NRP1: variants seen among roughly 807,000 people sequenced by gnomAD.
NRP1 encodes neuropilin 1.
In NRP1, 35 loss-of-function variants were observed where a neutral mutation model predicts 106.7. The observed-to-expected ratio is 0.33, with a 90% CI of 0.25 to 0.43. The LOEUF (loss-of-function observed/expected upper bound fraction) is 0.43. NRP1 is among the 20% of genes least tolerant of loss of function. The pLI is 1.00. For missense variants in NRP1, 1,024 were observed against 1,170.4 expected, an observed-to-expected ratio of 0.87 and a Z score of 1.83; for synonymous variants, 437 against 417.9, an observed-to-expected ratio of 1.05 and a Z score of -0.56.
chr10:33,284,106 T>TC (rs35898152), intron 2 of NRP1, among the ~76,000 whole-genome samples: 5,682 of 152,082 alleles, frequency 0.037, 165 homozygotes, highest in Non-Finnish European at 0.061. Flanking sequence ...TATAAAAAAT[T>TC]CCCCCTGATA....
intron 2 of NRP1, among the ~76,000 whole-genome samples, chr10:33,316,979 CAG>C (rs898091000): frequency 1.3e-5 from 2 of 152,126 alleles, no homozygotes; most frequent in African/African-American, 4.8e-5. Flanking sequence ...GAGTGTGAGA[CAG>C]AGTGTGAGAG....
At chr10:33,186,692 A>C (rs985971542) in intron 13 of NRP1, among the ~76,000 whole-genome samples, 3 of 152,114 alleles carry the variant, frequency 2.0e-5, no homozygotes, top group Non-Finnish European at 2.9e-5. Flanking sequence ...TGGACATTTG[A>C]TTAGGGGAAG....
At chr10:33,312,155 ATTAT>A (rs1038462850) in intron 2 of NRP1, among the ~76,000 whole-genome samples, 23 of 152,188 alleles carry the variant, frequency 1.5e-4, no homozygotes, top group Admixed American at 1.3e-4. Context: ...AATTGCATTT[ATTAT>A]TTTAATTATT....
At chr10:33,221,324 A>G (rs1588759493) in intron 8 of NRP1, among the ~76,000 whole-genome samples, 1 of 152,366 alleles carries the variant, frequency 6.6e-6, no homozygotes, top group East Asian at 1.9e-4. Context: ...GATGAACGGC[A>G]TGATACTTGC....
intron 2 of NRP1, among the ~76,000 whole-genome samples, chr10:33,274,993 C>A (rs79155924): frequency 6.6e-6 from 1 of 152,088 alleles, no homozygotes; most frequent in Admixed American, 6.5e-5. Context: ...AATTAACTTA[C>A]GTATCCCACA....
At chr10:33,310,246 GC>G (rs1301787471) in intron 2 of NRP1, among the ~76,000 whole-genome samples, 1 of 107,634 alleles carries the variant, frequency 9.3e-6, no homozygotes, top group Non-Finnish European at 1.9e-5. Flanking sequence ...ACTGCGCCCG[GC>G]CTTTTTTTTT....
intron 5 of NRP1, among the ~76,000 whole-genome samples, chr10:33,254,420 G>T (rs936638850): frequency 6.6e-6 from 1 of 152,120 alleles, no homozygotes; most frequent in Non-Finnish European, 1.5e-5. Context: ...GTGGACCTAG[G>T]TTGACAAAAA....
intron 2 of NRP1, among the ~76,000 whole-genome samples, chr10:33,287,612 C>T (rs1588924997): frequency 1.3e-5 from 2 of 152,188 alleles, no homozygotes; most frequent in Non-Finnish European, 2.9e-5. Context: ...ATCCCCATCA[C>T]TATTGAGATA....
chr10:33,323,331 A>T (rs1290563652), intron 2 of NRP1, among the ~76,000 whole-genome samples: 2 of 152,248 alleles, frequency 1.3e-5, no homozygotes, highest in Middle Eastern at 3.2e-3. Flanking sequence ...ACCAAAGAAG[A>T]TCTAGCAATA....
intron 3 of NRP1, among the ~76,000 whole-genome samples, chr10:33,270,328 A>ATT (rs11457192): frequency 0.3 from 43,103 of 142,798 alleles, 6,576 homozygotes; most frequent in East Asian, 0.52. Flanking sequence ...TGTTAAATAA[A>ATT]TTTTTTTTTT....
chr10:33,205,379 ACT>A (rs1837686136), intron 10 of NRP1: 1 of 152,072 alleles, frequency 6.6e-6, no homozygotes, highest in Non-Finnish European at 1.5e-5. Flanking sequence ...GAGAGTGGAA[ACT>A]CTAACTTCCC....
rs199664611 is a variant in NRP1 at position 33,213,347 on chromosome 10, G to A, written c.1614+39C>T. 3.1e-6 allele frequency: 5 copies of A among 1,614,108 alleles called. No individual in the cohort carries two copies. The Admixed American group carries it at 6.7e-5, about 22-fold the overall frequency. On this transcript the variant is annotated intron_variant, in intron 9 of 16. Coordinates refer to ENST00000374867, the MANE Select transcript of NRP1 (RefSeq NM_003873.7). The stretch of plus-strand genomic sequence containing the variant: ...CCAGAGGCCCTTGATTGAAGTCAAG[G>A]ACATAAGGGATGACCTCCTCCCAGT...
In NRP1 at chr10:33,203,722, CTTTTTTTTTTTTT is replaced by C. The variant is rs34343692; in HGVS notation, c.1760-740_1760-728del. On this transcript the variant is annotated intron_variant, in intron 10 of 16. Coordinates refer to ENST00000374867, the MANE Select transcript of NRP1 (RefSeq NM_003873.7). ...GGTATCCAATATTAATCAAAGACTGCTTTTTTTTTTTTTTTTTTTTTTTTTTTTTGAGACGGAG... is the reference window on the plus strand; with the variant it reads ...GGTATCCAATATTAATCAAAGACTGCTTTTTTTTTTTTTTTTGAGACGGAG... 8.8e-5 allele frequency among the ~76,000 whole-genome samples: 6 copies of C among 68,134 alleles called. 2 individuals carry two copies. The highest frequency in any genetic ancestry group is 2.8e-4 in the African/African-American group (4 of 14,206). 44.7% of individuals were successfully genotyped at this position (68,134 alleles called of 152,430 possible).
intron 4 of NRP1, among the ~76,000 whole-genome samples, chr10:33,259,989 G>T (rs1465847870): frequency 1.3e-5 from 2 of 151,950 alleles, no homozygotes; most frequent in African/African-American, 4.8e-5. Flanking sequence ...TGAAGGGCTG[G>T]GACTCTAGGC....
intron 2 of NRP1, among the ~76,000 whole-genome samples, chr10:33,317,631 G>A (rs891509227): frequency 5.9e-5 from 9 of 152,194 alleles, no homozygotes; most frequent in African/African-American, 1.4e-4. Flanking sequence ...TGCTATTTAT[G>A]TATGGGTTGG....
rs751261494 is a variant in NRP1, at chr10:33,226,269, G to A, written c.1002C>T (p.Arg334=). The A allele has an allele frequency of 1.2e-5, 20 of 1,614,004 alleles. No homozygotes were observed. The highest frequency in any genetic ancestry group is 8.5e-7 in the Non-Finnish European group (1 of 1,180,012). ...CCTGTGTCCCGACAGCCGTGACAAA[G>A]CGCAGAAGGCCCAAGTCTACCTGCA... ...EWIQVDLGLL[R]FVTAVGTQGA... The change falls in exon 7 of 17, where the codon CGC becomes CGT. Residue 334 remains arginine, a synonymous_variant. Coordinates refer to ENST00000374867, the MANE Select transcript of NRP1 (RefSeq NM_003873.7).
chr10:33,329,831 G>A (rs1047568312), intron 2 of NRP1, among the ~76,000 whole-genome samples: 7 of 152,162 alleles, frequency 4.6e-5, no homozygotes, highest in Admixed American at 2.0e-4. Context: ...TAAGAGAGAC[G>A]AGCAAACATG....
At chr10:33,250,484 T>C (rs1218199480) in intron 6 of NRP1, among the ~76,000 whole-genome samples, 2 of 152,222 alleles carry the variant, frequency 1.3e-5, no homozygotes, top group African/African-American at 4.8e-5. Context: ...CCCTGCATTG[T>C]AGGCTTAGAA....
chr10:33,287,894 G>C (rs954922828), intron 2 of NRP1, among the ~76,000 whole-genome samples: 2 of 152,174 alleles, frequency 1.3e-5, no homozygotes, highest in African/African-American at 4.8e-5. Flanking sequence ...TTCCATAGCA[G>C]CTTGTCTGCC....
Sources: gnomAD v4.1 joint callset for allele counts (sites outside exome capture counted in the v4.1 genomes callset) on GRCh38, gnomAD v4.1.1 for gene constraint, MANE v1.5 for transcripts, NCBI Gene and HGNC (gene_info 2026-07-23, HGNC 2026-07-21) for gene names.